Variants in TTLL3 observed in about 807,000 individuals in gnomAD.
TTLL3 encodes the protein tubulin monoglycylase TTLL3.
A neutral mutation model predicts 75.2 loss-of-function variants in TTLL3; 63 were observed. The observed-to-expected ratio is 0.84, with a 90% CI of 0.68 to 1.03. The LOEUF is 1.03. Among genes scored for constraint, TTLL3 ranks in the 50% least tolerant of loss-of-function variants. The pLI, the probability that TTLL3 is intolerant of heterozygous loss-of-function variation, is 0.00. For synonymous variants in TTLL3, 393 were observed against 418.5 expected (o/e 0.94, Z 0.74); for missense variants, 997 against 1,069.9 (o/e 0.93, Z 0.95).
At chr3:9,820,933 C>G (rs1344181214) in intron 8 of TTLL3, 192 bp downstream of exon 8, 1 of 894,994 alleles carries the variant, frequency 1.1e-6, no homozygotes, top group East Asian at 2.7e-5. Context: ...CTTGGCATAG[C>G]ATAGTCACTA....
chr3:9,823,489 G>GT (rs57528743), intron 8 of TTLL3, among the ~76,000 whole-genome samples: 15 of 144,236 alleles, frequency 1.0e-4, no homozygotes, highest in Admixed American at 5.6e-4. Flanking sequence ...TTAAAATACT[G>GT]TTTTTTTTTT....
intron 7 of TTLL3, 51 bp from the exon 8 acceptor site, chr3:9,820,495 C>T (rs776658877): frequency 1.2e-6 from 2 of 1,603,444 alleles, no homozygotes; most frequent in South Asian, 2.2e-5. Context: ...TGGCATGCGT[C>T]AGGTTACCTG....
intron 8 of TTLL3, among the ~76,000 whole-genome samples, chr3:9,823,536 A>G (rs191209748): frequency 6.6e-6 from 1 of 150,684 alleles, no homozygotes; most frequent in East Asian, 1.9e-4. Context: ...GTCATGTCGA[A>G]TATACTTTTT....
chr3:9,827,630 C>A, intron 10 of TTLL3: 1 of 240,114 alleles, frequency 4.2e-6, no homozygotes, highest in Non-Finnish European at 8.3e-6. Flanking sequence ...AACTCCTGGG[C>A]TCAAGCGATC....
chr3:9,818,093 G>T (rs3806670), intron 6 of TTLL3: 82,315 of 209,348 alleles, frequency 0.39, 18,529 homozygotes, highest in Non-Finnish European at 0.5. Context: ...TCCAAAAAAG[G>T]CTGCAGGCTT....
chr3:9,828,248 G>A (rs1233928883), intron 10 of TTLL3: 1 of 145,092 alleles, frequency 6.9e-6, no homozygotes, highest in African/African-American at 2.5e-5. Flanking sequence ...AAGATGTCGT[G>A]TTAACTTCTA....
Position 9,825,818 on chromosome 3 carries a change from G to C in TTLL3, c.873G>C (p.Arg291Ser). The change falls in exon 9 of 14, where the codon AGG becomes AGC. Residue 291 changes from arginine to serine, a missense_variant. Physicochemically the swap from Arg to Ser is moderately radical, Grantham distance 110. Coordinates refer to ENST00000685419, the MANE Select transcript of TTLL3 (RefSeq NM_001387446.1). ...CCCACAGCGAAGGGGCAGAACTCAG[G>C]CACCTCGACACTCAGGTCCAGCGCT... is the stretch of plus-strand genomic sequence containing the variant. The part of the protein sequence containing the change: ...YQVVHEGAEL[R>S]HLDTQVQRCE... 1 of 1,614,128 alleles carries C rather than the reference G, an allele frequency of 6.2e-7. No individual in the cohort carries two copies.
intron 4 of TTLL3, 97 bp from the exon 5 acceptor site, chr3:9,815,977 C>G (rs2079816573): frequency 1.7e-6 from 2 of 1,191,688 alleles, no homozygotes; most frequent in South Asian, 2.8e-5. Flanking sequence ...CCTCTCCTTC[C>G]TGTTCACCCA....
intron 2 of TTLL3, 34 bp from the exon 3 acceptor site, chr3:9,812,909 C>G (rs371230001): frequency 4.7e-5 from 69 of 1,472,376 alleles, no homozygotes; most frequent in Non-Finnish European, 5.9e-5. Flanking sequence ...TTATGCAATA[C>G]TTATTGAAGA....
At chr3:9,822,248 T>C (rs1488648395) in intron 8 of TTLL3, among the ~76,000 whole-genome samples, 1 of 150,914 alleles carries the variant, frequency 6.6e-6, no homozygotes, top group African/African-American at 2.4e-5. Context: ...TGTGTATTTT[T>C]AGTAGAGATG....
intron 11 of TTLL3, 26 bp from the exon 12 acceptor site, chr3:9,833,078 G>C: frequency 6.2e-7 from 1 of 1,613,636 alleles, no homozygotes; most frequent in Non-Finnish European, 8.5e-7. Context: ...GACTGAGTGG[G>C]CCTTGTCTCC....
intron 9 of TTLL3, 42 bp downstream of exon 9, chr3:9,825,990 C>G: frequency 6.2e-7 from 1 of 1,601,194 alleles, no homozygotes. Flanking sequence ...ACCTCACCAC[C>G]TGCATCTACC....
At chr3:9,819,015 G>C (rs1207288076) in intron 7 of TTLL3, 95 bp downstream of exon 7, 1 of 1,499,556 alleles carries the variant, frequency 6.7e-7, no homozygotes. Flanking sequence ...ATTCATCCAC[G>C]CACCTACTGG....
At chr3:9,833,042 G>T (rs147164026) in intron 11 of TTLL3, 62 bp from the exon 12 acceptor site, 31 of 1,594,084 alleles carry the variant, frequency 1.9e-5, no homozygotes, top group Non-Finnish European at 2.6e-5. Flanking sequence ...TCTGGGTCCC[G>T]CTGGGCCAAG....
At chr3:9,817,366 G>A in intron 5 of TTLL3, 1 of 919,136 alleles carries the variant, frequency 1.1e-6, no homozygotes, top group Non-Finnish European at 1.3e-6. Context: ...AGAGCTTACA[G>A]TGAGCCGAGA....
chr3:9,810,605 C>T lies in TTLL3; in HGVS notation c.-41-16C>T, dbSNP rs750153258. 6 of 1,555,504 alleles carry T rather than the reference C, an allele frequency of 3.9e-6. No individual in the cohort carries two copies. The African/African-American group carries it at 5.4e-5, about 14-fold the overall frequency. On this transcript the variant is annotated splice_polypyrimidine_tract_variant and intron_variant, in intron 1 of 13. Coordinates refer to ENST00000685419, the MANE Select transcript of TTLL3 (RefSeq NM_001387446.1). The surrounding 1 kb of genome is among the most constrained non-coding windows in gnomAD (Gnocchi z 4.4). ...AGCCTCAGTGTACCCCGCCCCTATT[C>T]CGCATCTTTCTGCAGGTTTCCCGGT...
At chr3:9,826,961 G>A in intron 9 of TTLL3, 36 bp from the exon 10 acceptor site, 1 of 1,613,344 alleles carries the variant, frequency 6.2e-7, no homozygotes, top group African/African-American at 1.3e-5. Context: ...GCCCACGCCT[G>A]ACCTTCCAAT....
At chr3:9,810,125 C>A (rs890843562), upstream of TTLL3, 22 of 1,469,816 alleles carry the variant, frequency 1.5e-5, no homozygotes, top group Non-Finnish European at 1.9e-5. This position sits in a 1 kb window ranked among gnomAD's most constrained non-coding sequence, Gnocchi z 4.4. Context: ...CTGCGGAAGC[C>A]GCAGCCGCTC....
chr3:9,819,815 A>T, intron 7 of TTLL3: 1 of 985,396 alleles, frequency 1.0e-6, no homozygotes. Flanking sequence ...TGTGTCATGC[A>T]CAAGGAAGGC....
Sources: allele counts gnomAD v4.1 joint callset (sites outside exome capture counted in the v4.1 genomes callset), GRCh38; gene constraint gnomAD v4.1.1; non-coding constraint Gnocchi (gnomAD v3.1); transcripts MANE v1.5; gene names NCBI Gene and HGNC (gene_info 2026-07-23, HGNC 2026-07-21).